Variants in GRIK2 observed in about 807,000 individuals in gnomAD.
GRIK2 encodes the protein glutamate receptor ionotropic, kainate 2.
GRIK2 carries 32 observed loss-of-function variants against 100.3 expected under a neutral mutation model. The ratio of observed to expected loss-of-function variants is 0.32; its 90% confidence interval spans 0.24 to 0.43. The LOEUF is 0.43. GRIK2 is among the 20% of genes least tolerant of loss of function. GRIK2 has a pLI of 1.00. For synonymous variants in GRIK2, 417 were observed against 389.4 expected, an observed-to-expected ratio of 1.07 and a Z score of -0.83; for missense variants, 843 against 1,114.9, an observed-to-expected ratio of 0.76 and a Z score of 3.47.
At chr6:101,569,412 T>C (rs1429537034) in intron 2 of GRIK2, among the ~76,000 whole-genome samples, 1 of 151,678 alleles carries the variant, frequency 6.6e-6, no homozygotes, top group Non-Finnish European at 1.5e-5. Context: ...ACATTCCCAA[T>C]AGAAGTTCTT....
At chr6:101,691,453 AC>A (rs1352370334) in intron 7 of GRIK2, among the ~76,000 whole-genome samples, 1 of 151,494 alleles carries the variant, frequency 6.6e-6, no homozygotes, top group Non-Finnish European at 1.5e-5. Flanking sequence ...GCACACCACC[AC>A]GCCTGGCTAA....
intron 16 of GRIK2, among the ~76,000 whole-genome samples, chr6:102,067,255 A>T (rs931205723): frequency 6.6e-6 from 1 of 151,722 alleles, no homozygotes; most frequent in East Asian, 1.9e-4. Flanking sequence ...TATTTTTGCA[A>T]TGAGAACACT....
chr6:101,640,089 A>G (rs774694009), intron 4 of GRIK2, among the ~76,000 whole-genome samples: 1 of 152,206 alleles, frequency 6.6e-6, no homozygotes, highest in Non-Finnish European at 1.5e-5. Flanking sequence ...ATTGTGTAAC[A>G]TATCTTACAG....
At position 101,436,591 on chromosome 6, in the gene GRIK2, G is replaced by T. The variant is rs117215094; in HGVS notation, c.115+37199G>T. 5.7e-3 allele frequency among the ~76,000 whole-genome samples: 868 copies of T among 152,066 alleles called. 4 individuals carry two copies. The highest frequency in any genetic ancestry group is 9.3e-3 in the Non-Finnish European group (631 of 67,932). ...GAGCAAGATTTTTATGTGGGAGCAA[G>T]AACTAGTCTGGATAGAGAATATATA... On this transcript the variant is annotated intron_variant, in intron 2 of 16. Transcript: ENST00000369134.
intron 12 of GRIK2, among the ~76,000 whole-genome samples, chr6:101,893,603 C>G (rs1365227413): frequency 1.3e-5 from 2 of 151,638 alleles, no homozygotes; most frequent in South Asian, 4.2e-4. Flanking sequence ...CCAAACCACA[C>G]CTTTGATTGG....
At chr6:102,067,755 G>C (rs139172746) in intron 16 of GRIK2, among the ~76,000 whole-genome samples, 1 of 151,942 alleles carries the variant, frequency 6.6e-6, no homozygotes, top group Admixed American at 6.6e-5. Flanking sequence ...GTCATTTCAT[G>C]ATTAAGTCAT....
chr6:101,733,696 T>A (rs1482981019), intron 7 of GRIK2, among the ~76,000 whole-genome samples: 1 of 148,772 alleles, frequency 6.7e-6, no homozygotes, highest in African/African-American at 2.5e-5. Context: ...ATTCCTGATT[T>A]AATTCCTCTT....
intron 2 of GRIK2, among the ~76,000 whole-genome samples, chr6:101,437,998 C>A (rs749505828): frequency 6.6e-6 from 1 of 152,080 alleles, no homozygotes; most frequent in Non-Finnish European, 1.5e-5. Context: ...TGACAGGAAG[C>A]CTCCTAAATT....
intron 12 of GRIK2, among the ~76,000 whole-genome samples, chr6:101,892,499 C>T (rs1392831610): frequency 2.0e-5 from 3 of 151,870 alleles, no homozygotes; most frequent in Non-Finnish European, 4.4e-5. Flanking sequence ...TATTTGAGAA[C>T]ATAAAGTCAG....
At chr6:101,791,853 T>A (rs1406591886) in intron 7 of GRIK2, among the ~76,000 whole-genome samples, 1 of 151,630 alleles carries the variant, frequency 6.6e-6, no homozygotes, top group Non-Finnish European at 1.5e-5. Flanking sequence ...AGTCTCTTTT[T>A]AGGTCACTCA....
At chr6:101,602,739 T>C (rs375184311) in intron 2 of GRIK2, among the ~76,000 whole-genome samples, 5 of 151,762 alleles carry the variant, frequency 3.3e-5, no homozygotes, top group African/African-American at 1.2e-4. Context: ...TTTTGTTATA[T>C]AACTCTAGAA....
At chr6:101,712,060 A>G (rs1206038958) in intron 7 of GRIK2, among the ~76,000 whole-genome samples, 1 of 151,836 alleles carries the variant, frequency 6.6e-6, no homozygotes, top group Non-Finnish European at 1.5e-5. Context: ...CTTACCCCAA[A>G]TGATTGAGTA....
chr6:101,750,774 T>C (rs145748247), intron 7 of GRIK2, among the ~76,000 whole-genome samples: 2 of 152,316 alleles, frequency 1.3e-5, no homozygotes, highest in East Asian at 3.9e-4. Flanking sequence ...TTAAGCCTTG[T>C]GGATTAGCTG....
chr6:101,785,153 TATTTA>T (rs1482235638), intron 7 of GRIK2, among the ~76,000 whole-genome samples: 1 of 147,062 alleles, frequency 6.8e-6, no homozygotes, highest in East Asian at 3.6e-4. Context: ...ATTTTTTATT[TATTTA>T]TTTTTTTTAC....
At chr6:101,965,734 GA>G (rs1792626271) in intron 14 of GRIK2, among the ~76,000 whole-genome samples, 1 of 151,994 alleles carries the variant, frequency 6.6e-6, no homozygotes, top group Admixed American at 6.6e-5. Flanking sequence ...GAAGTCTGTG[GA>G]ATTGGTTAAT....
chr6:101,400,605 A>C lies in GRIK2; in HGVS notation c.115+1213A>C, dbSNP rs558259443. ...AAGTCACTCGGTCAAATTTAAACTGAAGAGTGATTGCCTGCATCTTCTATC... is the reference window on the plus strand; with the variant it reads ...AAGTCACTCGGTCAAATTTAAACTGCAGAGTGATTGCCTGCATCTTCTATC... On this transcript the variant is annotated intron_variant, in intron 2 of 16. Coordinates refer to ENST00000369134, the MANE Select transcript of GRIK2 (RefSeq NM_021956.5). Among the ~76,000 whole-genome samples, 11 of 152,304 alleles carry C rather than the reference A, an allele frequency of 7.2e-5. No homozygotes were observed. The South Asian group carries it at 2.3e-3, about 32-fold the overall frequency.
chr6:101,491,488 A>G (rs965749590), intron 2 of GRIK2, among the ~76,000 whole-genome samples: 2 of 152,042 alleles, frequency 1.3e-5, no homozygotes, highest in African/African-American at 4.8e-5. Flanking sequence ...ATATGTTTTA[A>G]TTATCAAAAA....
At chr6:101,762,109 C>A (rs367910431) in intron 7 of GRIK2, among the ~76,000 whole-genome samples, 1 of 139,458 alleles carries the variant, frequency 7.2e-6, no homozygotes, top group African/African-American at 2.7e-5. Context: ...CCTTCCTTTC[C>A]TTCCTTCCTC....
chr6:101,681,286 G>A (rs144825840), intron 5 of GRIK2, among the ~76,000 whole-genome samples: 17 of 152,086 alleles, frequency 1.1e-4, no homozygotes, highest in Non-Finnish European at 2.1e-4. Flanking sequence ...TTGTAATGGG[G>A]TGTTGCTCTG....
Sources: allele counts gnomAD v4.1 joint callset (sites outside exome capture counted in the v4.1 genomes callset), GRCh38; gene constraint gnomAD v4.1.1; transcripts MANE v1.5; gene names NCBI Gene and HGNC (gene_info 2026-07-23, HGNC 2026-07-21).